Variants in PGCKA1 observed in about 807,000 individuals in gnomAD.
The protein encoded by PGCKA1 is PDCD10 and GCKIII kinases associated 1, also known as PDCD10 and GCKIII kinases-associated protein 1.
the PGCKA1 span, among the ~76,000 whole-genome samples, chr4:37,526,797 G>A: frequency 6.6e-6 from 1 of 152,106 alleles, no homozygotes; most frequent in Non-Finnish European, 1.5e-5. Flanking sequence ...AAATGTCTGT[G>A]TTACAAGTTT....
chr4:37,482,185 A>T, the PGCKA1 span, among the ~76,000 whole-genome samples: 1 of 152,232 alleles, frequency 6.6e-6, no homozygotes, highest in Admixed American at 6.5e-5. Context: ...ATACTAAAAA[A>T]TGTGGAAGCA....
At chr4:37,480,731 T>C in the PGCKA1 span, among the ~76,000 whole-genome samples, 1 of 152,322 alleles carries the variant, frequency 6.6e-6, no homozygotes, top group African/African-American at 2.4e-5. Flanking sequence ...GGCTAGCATC[T>C]TCCCGCCCCA....
At chr4:37,503,403 C>T in the PGCKA1 span, among the ~76,000 whole-genome samples, 973 of 152,286 alleles carry the variant, frequency 6.4e-3, 12 homozygotes, top group African/African-American at 0.022. Flanking sequence ...CCCTCAGTGA[C>T]AGCTGTTCCA....
chr4:37,546,552 G>T, the PGCKA1 span, among the ~76,000 whole-genome samples: 2 of 152,224 alleles, frequency 1.3e-5, no homozygotes, highest in Non-Finnish European at 2.9e-5. Context: ...GATAGAAATT[G>T]TGCAGTCAGG....
the PGCKA1 span, among the ~76,000 whole-genome samples, chr4:37,511,105 G>C: frequency 4.6e-5 from 7 of 151,928 alleles, no homozygotes; most frequent in Non-Finnish European, 8.8e-5. Context: ...TCAGGGCAGC[G>C]GACTTTTTCT....
At chr4:37,479,643 G>A in the PGCKA1 span, among the ~76,000 whole-genome samples, 1 of 152,200 alleles carries the variant, frequency 6.6e-6, no homozygotes, top group African/African-American at 2.4e-5. Context: ...ATGTGCAAAG[G>A]CTCGGTGGCA....
chr4:37,563,946 C>T, the PGCKA1 span, among the ~76,000 whole-genome samples: 517 of 152,258 alleles, frequency 3.4e-3, 2 homozygotes, highest in African/African-American at 0.012. Flanking sequence ...CATTTCTACA[C>T]AGTGTCTAAA....
the PGCKA1 span, among the ~76,000 whole-genome samples, chr4:37,589,172 T>C: frequency 2.0e-5 from 3 of 152,212 alleles, no homozygotes; most frequent in African/African-American, 7.2e-5. Flanking sequence ...ATGCCTGAAA[T>C]GGCATCGCTG....
At chr4:37,489,843 C>G in the PGCKA1 span, among the ~76,000 whole-genome samples, 1 of 152,094 alleles carries the variant, frequency 6.6e-6, no homozygotes, top group Non-Finnish European at 1.5e-5. Flanking sequence ...GCTTTAGTGT[C>G]AGATCCAAAA....
the PGCKA1 span, among the ~76,000 whole-genome samples, chr4:37,514,825 A>G: frequency 5.6e-4 from 85 of 152,320 alleles, no homozygotes; most frequent in Admixed American, 2.4e-3. Context: ...CATCCTCAAG[A>G]TAGCTGATCT....
At chr4:37,574,980 G>A in the PGCKA1 span, among the ~76,000 whole-genome samples, 12 of 148,628 alleles carry the variant, frequency 8.1e-5, no homozygotes, top group East Asian at 2.1e-3. Flanking sequence ...TCCATTGTGA[G>A]AACTCTATAC....
chr4:37,555,237 A>G, the PGCKA1 span, among the ~76,000 whole-genome samples: 5 of 151,890 alleles, frequency 3.3e-5, no homozygotes, highest in Admixed American at 1.3e-4. Context: ...CCCCTTTCAT[A>G]CTCTCAGTGC....
the PGCKA1 span, among the ~76,000 whole-genome samples, chr4:37,554,784 T>C: frequency 2.0e-5 from 3 of 152,168 alleles, no homozygotes; most frequent in Non-Finnish European, 2.9e-5. Context: ...GGTATGCCAA[T>C]TGGGGAAAAT....
chr4:37,523,992 T>A, the PGCKA1 span, among the ~76,000 whole-genome samples: 11 of 152,350 alleles, frequency 7.2e-5, no homozygotes, highest in East Asian at 1.3e-3. Context: ...TAGGGCTTCA[T>A]CATATGAATT....
chr4:37,551,906 A>G, the PGCKA1 span, among the ~76,000 whole-genome samples: 2 of 152,366 alleles, frequency 1.3e-5, no homozygotes, highest in Admixed American at 6.5e-5. Flanking sequence ...CTATCAATCT[A>G]TTGCACAAAA....
chr4:37,571,355 C>CTTTTTTTCCTTT, the PGCKA1 span, among the ~76,000 whole-genome samples: 562 of 78,130 alleles, frequency 7.2e-3, 28 homozygotes, highest in African/African-American at 0.03. Flanking sequence ...GACTATTATC[C>CTTTTTTTCCTTT]TTTTTTTTTT....
At chr4:37,544,450 C>G in the PGCKA1 span, among the ~76,000 whole-genome samples, 6 of 151,374 alleles carry the variant, frequency 4.0e-5, no homozygotes, top group Non-Finnish European at 8.9e-5. Context: ...TTTGTTTATT[C>G]TCTCTTCCTG....
chr4:37,537,454 G>T, the PGCKA1 span, among the ~76,000 whole-genome samples: 1 of 152,218 alleles, frequency 6.6e-6, no homozygotes, highest in African/African-American at 2.4e-5. Flanking sequence ...GTACAAATTT[G>T]CAATATTATA....
chr4:37,564,637 G>C, the PGCKA1 span, among the ~76,000 whole-genome samples: 1 of 152,010 alleles, frequency 6.6e-6, no homozygotes, highest in Non-Finnish European at 1.5e-5. Flanking sequence ...CTCCCAAGTA[G>C]CTGAGATTAC....
Sources: allele counts gnomAD v4.1 joint callset (sites outside exome capture counted in the v4.1 genomes callset), GRCh38; gene constraint gnomAD v4.1.1; transcripts MANE v1.5; gene names NCBI Gene and HGNC (gene_info 2026-07-23, HGNC 2026-07-21).